ABHD18: variants seen among roughly 807,000 people sequenced by gnomAD.
ABHD18 encodes cardiolipin-specific deacylase, mitochondrial.
In ABHD18, 55 loss-of-function variants were observed where a neutral mutation model predicts 65.9. The observed-to-expected ratio is 0.84, with a 90% CI of 0.67 to 1.05. ABHD18 has a LOEUF of 1.05. Among genes scored for constraint, ABHD18 ranks in the 50% least tolerant of loss-of-function variants. ABHD18 has a pLI of 0.00. For missense variants in ABHD18, 533 were observed against 558.5 expected, an observed-to-expected ratio of 0.95 and a Z score of 0.46; for synonymous variants, 181 against 180.2, an observed-to-expected ratio of 1.00 and a Z score of -0.04.
At chr4:128,030,009 G>T (rs1757979239) in intron 11 of ABHD18, among the ~76,000 whole-genome samples, 1 of 152,030 alleles carries the variant, frequency 6.6e-6, no homozygotes, top group Non-Finnish European at 1.5e-5. Context: ...ACACTGGATT[G>T]CTGAGTGTGG....
chr4:127,980,255 A>G (rs1342273422), intron 1 of ABHD18, among the ~76,000 whole-genome samples: 3 of 152,138 alleles, frequency 2.0e-5, no homozygotes, highest in East Asian at 1.9e-4. Context: ...TCGATTCTCT[A>G]TTGCTCTCTT....
At chr4:128,002,592 CA>C (rs539050560) in intron 4 of ABHD18, among the ~76,000 whole-genome samples, 1 of 144,690 alleles carries the variant, frequency 6.9e-6, no homozygotes, top group East Asian at 2.1e-4. Context: ...GACTCTGTCT[CA>C]AAAAAAAGAA....
At position 128,017,381 on chromosome 4, in the gene ABHD18, T is replaced by C; in HGVS notation, c.489T>C (p.Asn163=). Residue 163 remains asparagine, a synonymous_variant, in exon 8 of 13, where the codon AAT becomes AAC. Coordinates refer to ENST00000645843, the MANE Select transcript of ABHD18 (RefSeq NM_001358451.3). ...AGGCTAGAAGGTCCAGCTTAAAAAA[T>C]GTGTCCGACCTTTTTGTGATGGGAG... The part of the protein sequence containing the change: ...PKDQVRSSLK[N]VSDLFVMGGA... The C allele has an allele frequency of 1.2e-6, 2 of 1,613,722 alleles. No homozygotes were observed. The highest frequency in any genetic ancestry group is 8.5e-7 in the Non-Finnish European group (1 of 1,179,802).
chr4:128,022,208 C>T (rs139831679), intron 10 of ABHD18, among the ~76,000 whole-genome samples: 21 of 152,242 alleles, frequency 1.4e-4, no homozygotes, highest in African/African-American at 4.3e-4. Context: ...TGCACATGTA[C>T]CCTGGAACTT....
chr4:127,997,026 C>T (rs113285789), intron 4 of ABHD18, among the ~76,000 whole-genome samples: 24 of 151,950 alleles, frequency 1.6e-4, no homozygotes, highest in South Asian at 4.2e-4. Flanking sequence ...TCTCAGCTTA[C>T]GAAGATAACG....
At position 127,983,012 on chromosome 4, in the gene ABHD18, T is replaced by A; in HGVS notation, c.57T>A (p.Phe19Leu). The change falls in exon 2 of 13, where the codon TTT becomes TTA. Residue 19 changes from phenylalanine (F) to leucine (L), a missense_variant. Phe to Leu is a conservative substitution (Grantham distance 22, BLOSUM62 0). Coordinates refer to ENST00000645843, the MANE Select transcript of ABHD18 (RefSeq NM_001358451.3). ...GGAGACTTCTCCTAACAAAACTTTTTATCAGAGGATGGGGAAGGCCAGAAG... is the reference window on the plus strand; with the variant it reads ...GGAGACTTCTCCTAACAAAACTTTTAATCAGAGGATGGGGAAGGCCAGAAG... Reference protein sequence around the residue: ...LYRRLLLTKLFIRGWGRPEDL... With the variant: ...LYRRLLLTKLLIRGWGRPEDL... The A allele has an allele frequency of 6.4e-7, 1 of 1,562,060 alleles. No individual in the cohort carries two copies. Among genetic ancestry groups the A allele is most frequent in the Non-Finnish European group, 8.7e-7 (1 of 1,151,820 alleles).
chr4:127,976,500 A>G lies in ABHD18; in HGVS notation c.-17-6439A>G, dbSNP rs117500425. 2.7e-3 allele frequency among the ~76,000 whole-genome samples: 416 copies of G among 152,328 alleles called. 7 individuals carry two copies. In the East Asian group the frequency reaches 0.037, roughly 14 times the overall value. ...GAAAAAAATGTTATCTGAAATACCT[A>G]CATAATATCCTTAATTTTGCCTCTT... is the stretch of plus-strand genomic sequence containing the variant. On this transcript the variant is annotated intron_variant, in intron 1 of 12. Transcript: ENST00000645843.
intron 3 of ABHD18, among the ~76,000 whole-genome samples, chr4:127,988,826 G>A (rs528517792): frequency 1.3e-5 from 2 of 152,312 alleles, no homozygotes; most frequent in South Asian, 2.1e-4. Context: ...CAGTGTTGGT[G>A]GGAATGTAAG....
In ABHD18 at chr4:128,039,152, T is replaced by TGC. The variant is rs1759136097; in HGVS notation, c.*3339_*3340insGC. On this transcript the variant is annotated 3_prime_UTR_variant, in exon 13 of 13. Coordinates refer to ENST00000645843, the MANE Select transcript of ABHD18 (RefSeq NM_001358451.3). Reference sequence around the variant, plus strand: ...ATATATACACACATATGCATATATATATATATATATATATATATATATATA... The same window carrying TGC: ...ATATATACACACATATGCATATATATGCATATATATATATATATATATATATA... The TGC allele has an allele frequency of 1.5e-5, 1 of 65,976 alleles. No homozygotes were observed. Among genetic ancestry groups the TGC allele is most frequent in the Admixed American group, 1.9e-4 (1 of 5,248 alleles). 4.1% of individuals were successfully genotyped at this position (65,976 alleles called of 1,614,324 possible). A position where few individuals can be genotyped will look rare whatever the true frequency, so the allele number is the denominator to read the frequency against.
intron 4 of ABHD18, among the ~76,000 whole-genome samples, chr4:128,008,193 C>T (rs1387331121): frequency 2.9e-5 from 4 of 137,332 alleles, no homozygotes; most frequent in African/African-American, 8.0e-5. Context: ...ACCTGGGAGG[C>T]GGTGGTTGCA....
rs1285788040 is a variant in ABHD18, at chr4:128,020,129, C to T, written c.659C>T (p.Pro220Leu). 2 of 1,613,542 alleles carry T rather than the reference C, an allele frequency of 1.2e-6. No homozygotes were observed. The highest frequency in any genetic ancestry group is 1.3e-5 in the African/African-American group (1 of 74,920). Residue 220 changes from proline (P) to leucine (L), a missense_variant, in exon 9 of 13, where the codon CCA becomes CTA. Physicochemically the swap from Pro to Leu is moderately conservative, Grantham distance 98. Coordinates refer to ENST00000645843, the MANE Select transcript of ABHD18 (RefSeq NM_001358451.3). ...SNWPKPMPLI[P>L]CLSWSTASGV... ...TGGCCTAAGCCCATGCCATTGATTC[C>T]ATGCCTGTCTTGGTCCACAGCATCT...
intron 10 of ABHD18, among the ~76,000 whole-genome samples, chr4:128,027,696 G>A (rs186866305): frequency 5.4e-4 from 82 of 152,244 alleles, no homozygotes; most frequent in African/African-American, 1.9e-3. Flanking sequence ...GAGCCACCGC[G>A]CCTGGCCAGT....
At chr4:127,996,349 A>C (rs1751729225) in intron 4 of ABHD18, among the ~76,000 whole-genome samples, 1 of 152,180 alleles carries the variant, frequency 6.6e-6, no homozygotes, top group Admixed American at 6.5e-5. Flanking sequence ...GAAATTTTAC[A>C]GCTGGGCCTC....
rs541572644 is a variant in ABHD18, at chr4:128,039,530, G to A, written c.*3717G>A. 1 of 152,000 alleles carries A rather than the reference G, an allele frequency of 6.6e-6. No homozygotes were observed. Among genetic ancestry groups the A allele is most frequent in the Non-Finnish European group, 1.5e-5 (1 of 68,000 alleles). 9.4% of individuals were successfully genotyped at this position (152,000 alleles called of 1,614,324 possible). On this transcript the variant is annotated 3_prime_UTR_variant, in exon 13 of 13. Transcript: ENST00000645843. The stretch of plus-strand genomic sequence containing the variant: ...AAAAAGGTTCTGAATTTCATGATTT[G>A]CTAATGTAATTACTATTAAGTCATT...
At chr4:128,013,472 G>A (rs1041159384) in intron 7 of ABHD18, among the ~76,000 whole-genome samples, 14 of 152,074 alleles carry the variant, frequency 9.2e-5, no homozygotes, top group African/African-American at 3.4e-4. Flanking sequence ...AGTCTGAGGC[G>A]GGCAGATCAC....
chr4:127,973,817 CAAAAAA>C (rs57170719), intron 1 of ABHD18, among the ~76,000 whole-genome samples: 4 of 16,608 alleles, frequency 2.4e-4, no homozygotes, highest in African/African-American at 6.9e-4. Flanking sequence ...TGATGAACAG[CAAAAAA>C]AAAAAAAAAA....
At position 128,011,750 on chromosome 4, in the gene ABHD18, C is replaced by T. The variant is rs370255277; in HGVS notation, c.470+50C>T. On this transcript the variant is annotated intron_variant, in intron 7 of 12. Coordinates refer to ENST00000645843, the MANE Select transcript of ABHD18 (RefSeq NM_001358451.3). ...TGCAGTCTTTTTACCCAATATCCAG[C>T]AGTATTAAAATTTTGGTTGCCTTCA... is the stretch of plus-strand genomic sequence containing the variant. 5 of 1,433,654 alleles carry T rather than the reference C, an allele frequency of 3.5e-6. No individual in the cohort carries two copies. In the African/African-American group the frequency reaches 4.4e-5, roughly 13 times the overall value. 88.8% of individuals were successfully genotyped at this position (1,433,654 alleles called of 1,614,324 possible).
At position 127,995,054 on chromosome 4, in the gene ABHD18, A is replaced by G. The variant is rs549128481; in HGVS notation, c.278+5233A>G. ...GTCACCACGCCTGGCTAATTTTTGTATTTTTAGTAGAGATGGGGTTTCACC... is the reference window on the plus strand; with the variant it reads ...GTCACCACGCCTGGCTAATTTTTGTGTTTTTAGTAGAGATGGGGTTTCACC... On this transcript the variant is annotated intron_variant, in intron 4 of 12. Transcript: ENST00000645843. 3.3e-5 allele frequency among the ~76,000 whole-genome samples: 5 copies of G among 152,018 alleles called. No individual in the cohort carries two copies. In the South Asian group the frequency reaches 1.0e-3, roughly 32 times the overall value.
In ABHD18 at chr4:128,039,129, A is replaced by G. The variant is rs1759123223; in HGVS notation, c.*3316A>G. The stretch of plus-strand genomic sequence containing the variant: ...GTATGTACGTATATATATGTATTAT[A>G]TATACACACATATGCATATATATAT... On this transcript the variant is annotated 3_prime_UTR_variant, in exon 13 of 13. Transcript: ENST00000645843. 1 of 128,922 alleles carries G rather than the reference A, an allele frequency of 7.8e-6. No individual in the cohort carries two copies. The highest frequency in any genetic ancestry group is 1.6e-5 in the Non-Finnish European group (1 of 63,316). The allele number at this position is 128,922 out of a possible 1,614,324, so 8.0% of individuals were successfully genotyped here. A position where few individuals can be genotyped will look rare whatever the true frequency, so the allele number is the denominator to read the frequency against.
Sources: allele counts gnomAD v4.1 joint callset (sites outside exome capture counted in the v4.1 genomes callset), GRCh38; gene constraint gnomAD v4.1.1; transcripts MANE v1.5; gene names NCBI Gene and HGNC (gene_info 2026-07-23, HGNC 2026-07-21).